Variants in MRM1 observed in about 807,000 individuals in gnomAD.
MRM1 encodes rRNA methyltransferase 1, mitochondrial.
In MRM1, 24 loss-of-function variants were observed where a neutral mutation model predicts 25.0. The ratio of observed to expected loss-of-function variants is 0.96; its 90% confidence interval spans 0.69 to 1.35. The LOEUF is 1.35. Among genes scored for constraint, MRM1 ranks in the 40% most tolerant of loss-of-function variants. MRM1 has a pLI of 0.00. For missense variants in MRM1, 431 were observed against 464.1 expected (o/e 0.93, Z 0.65); for synonymous variants, 188 against 199.2 (o/e 0.94, Z 0.47).
intron 2 of MRM1, among the ~76,000 whole-genome samples, chr17:36,606,734 A>G (rs2074931928): frequency 6.6e-6 from 1 of 151,584 alleles, no homozygotes; most frequent in African/African-American, 2.4e-5. Flanking sequence ...CAGACTCCCA[A>G]ATAGCTGGGA....
chr17:36,623,764 G>A, the MRM1 span, among the ~76,000 whole-genome samples: 1 of 152,174 alleles, frequency 6.6e-6, no homozygotes, highest in Non-Finnish European at 1.5e-5. Context: ...GGCTTGTTGG[G>A]ATTGGGGGAG....
At position 36,608,607 on chromosome 17, in the gene MRM1, T is replaced by G; in HGVS notation, c.*192T>G. The G allele has an allele frequency of 4.8e-6, 2 of 416,078 alleles. No homozygotes were observed. The highest frequency in any genetic ancestry group is 8.4e-6 in the Non-Finnish European group (2 of 237,220). The allele number at this position is 416,078 out of a possible 1,614,324, so 25.8% of individuals were successfully genotyped here. A position where few individuals can be genotyped will look rare whatever the true frequency, so the allele number is the denominator to read the frequency against. On this transcript the variant is annotated 3_prime_UTR_variant, in exon 5 of 5. Transcript: ENST00000614766. ...GTTTCCTGTTGTGATGTTGGACCTGTAGTAGGACATGGTGATTTGTTAATT... is the reference window on the plus strand; with the variant it reads ...GTTTCCTGTTGTGATGTTGGACCTGGAGTAGGACATGGTGATTTGTTAATT...
At chr17:36,604,151 A>G (rs2142835350) in intron 2 of MRM1, among the ~76,000 whole-genome samples, 1 of 152,300 alleles carries the variant, frequency 6.6e-6, no homozygotes, top group South Asian at 2.1e-4. Flanking sequence ...CTCTTCCTGC[A>G]GCATCCACTT....
chr17:36,622,813 G>T, the MRM1 span, among the ~76,000 whole-genome samples: 1 of 152,192 alleles, frequency 6.6e-6, no homozygotes, highest in East Asian at 1.9e-4. Context: ...TGCTCCTGGG[G>T]TAATGTCAAA....
At position 36,601,705 on chromosome 17, in the gene MRM1, G is replaced by T. The variant is rs553952416; in HGVS notation, c.-106G>T. On this transcript the variant is annotated 5_prime_UTR_variant, in exon 1 of 5. Transcript: ENST00000614766. The stretch of plus-strand genomic sequence containing the variant: ...AGAGAGCTCGGCGGAGACGGCTGTC[G>T]AGTACCCTTCACCTCGGTGTTGGGA... 3 of 1,216,618 alleles carry T rather than the reference G, an allele frequency of 2.5e-6. No homozygotes were observed. Among genetic ancestry groups the T allele is most frequent in the East Asian group, 2.5e-5 (1 of 39,664 alleles). The allele number at this position is 1,216,618 out of a possible 1,614,324, so 75.4% of individuals were successfully genotyped here.
the MRM1 span, among the ~76,000 whole-genome samples, chr17:36,615,414 G>A: frequency 0.018 from 2,713 of 151,542 alleles, 68 homozygotes; most frequent in African/African-American, 0.057. Context: ...TAATCTCAGC[G>A]CTTTGGGAGG....
At chr17:36,628,429 G>A in the MRM1 span, among the ~76,000 whole-genome samples, 6 of 152,222 alleles carry the variant, frequency 3.9e-5, no homozygotes, top group African/African-American at 1.4e-4. Context: ...ACTGGGCTGG[G>A]CTTCCGGAGG....
chr17:36,629,438 G>A, the MRM1 span, among the ~76,000 whole-genome samples: 1 of 152,316 alleles, frequency 6.6e-6, no homozygotes, highest in Middle Eastern at 3.4e-3. Flanking sequence ...GGGGTGCAGT[G>A]CCCATCATTC....
chr17:36,611,167 CA>C (rs1256206417), downstream of MRM1, among the ~76,000 whole-genome samples: 2 of 152,348 alleles, frequency 1.3e-5, no homozygotes, highest in East Asian at 3.9e-4. Context: ...GTTCAAGAAT[CA>C]GTGGCCTTTG....
chr17:36,602,500 G>A lies in MRM1; in HGVS notation c.543-53G>A. 6.2e-7 allele frequency: 1 copy of A among 1,612,244 alleles called. No homozygotes were observed. Among genetic ancestry groups the A allele is most frequent in the Non-Finnish European group, 8.5e-7 (1 of 1,178,436 alleles). On this transcript the variant is annotated intron_variant, in intron 1 of 4. Transcript: ENST00000614766. The surrounding 1 kb of genome is among the most constrained non-coding windows in gnomAD (Gnocchi z 4.1). ...CCCTTGGGAGCCCTGGGAGGGTAGG[G>A]AGCCGGGCTTGAGATGGCCCAGCCT... is the stretch of plus-strand genomic sequence containing the variant.
rs1399744221 is a variant in MRM1, at chr17:36,602,472, T to C, written c.543-81T>C. The C allele has an allele frequency of 6.2e-7, 1 of 1,602,502 alleles. No individual in the cohort carries two copies. Among genetic ancestry groups the C allele is most frequent in the Non-Finnish European group, 8.5e-7 (1 of 1,171,596 alleles). On this transcript the variant is annotated intron_variant, in intron 1 of 4. Coordinates refer to ENST00000614766, the MANE Select transcript of MRM1 (RefSeq NM_024864.5). This position sits in a 1 kb window ranked among gnomAD's most constrained non-coding sequence, Gnocchi z 4.1. ...ACCTGTCCCAGAACTCTCATCCCCC[T>C]AGCCCTTGGGAGCCCTGGGAGGGTA...
At chr17:36,609,693 TG>T (rs554140549), downstream of MRM1, among the ~76,000 whole-genome samples, 3 of 152,018 alleles carry the variant, frequency 2.0e-5, no homozygotes, top group African/African-American at 7.2e-5. Flanking sequence ...TATGTGACCT[TG>T]GGGGGGCGCT....
At position 36,607,970 on chromosome 17, in the gene MRM1, C is replaced by T. The variant is rs141666928; in HGVS notation, c.841C>T (p.Arg281Cys). 13 of 1,614,044 alleles carry T rather than the reference C, an allele frequency of 8.1e-6. No individual in the cohort carries two copies. Among genetic ancestry groups the T allele is most frequent in the Admixed American group, 6.7e-5 (4 of 60,006 alleles). ...CQLLLTILPR[R>C]QLPPGLESLN... ...GCTTCTCCTCACCATCCTGCCCCGG[C>T]GCCAGCTGCCTCCTGGACTTGAGTC... is the stretch of plus-strand genomic sequence containing the variant. Residue 281 changes from arginine to cysteine, a missense_variant, in exon 4 of 5, where the codon CGC becomes TGC. Physicochemically the swap from Arg to Cys is radical, Grantham distance 180. Coordinates refer to ENST00000614766, the MANE Select transcript of MRM1 (RefSeq NM_024864.5).
the MRM1 span, among the ~76,000 whole-genome samples, chr17:36,625,862 C>A: frequency 1.3e-5 from 2 of 152,052 alleles, no homozygotes; most frequent in Non-Finnish European, 2.9e-5. Context: ...TTTATTGGAT[C>A]AATTTCCATT....
chr17:36,615,990 C>G, the MRM1 span, among the ~76,000 whole-genome samples: 9 of 130,616 alleles, frequency 6.9e-5, no homozygotes, highest in Non-Finnish European at 1.4e-4. Context: ...GAGACTGTCT[C>G]AAACAACAAC....
chr17:36,602,264 G>A lies in MRM1; in HGVS notation c.454G>A (p.Gly152Arg), dbSNP rs1221210356. 1.2e-6 allele frequency: 2 copies of A among 1,606,522 alleles called. No individual in the cohort carries two copies. ...DPQQLWLVLD[G>R]IQDPRNFGAV... ...CCAGCAGTTGTGGCTCGTCCTCGATGGGATCCAGGATCCCCGGAATTTTGG... is the reference window on the plus strand; with the variant it reads ...CCAGCAGTTGTGGCTCGTCCTCGATAGGATCCAGGATCCCCGGAATTTTGG... The change falls in exon 1 of 5, where the codon GGG becomes AGG. Residue 152 changes from glycine to arginine, a missense_variant. By Grantham distance (125) the Gly-to-Arg change is moderately radical (BLOSUM62 -2). Coordinates refer to ENST00000614766, the MANE Select transcript of MRM1 (RefSeq NM_024864.5). This position sits in a 1 kb window ranked among gnomAD's most constrained non-coding sequence, Gnocchi z 4.1.
At chr17:36,613,695 G>T (rs546083883), downstream of MRM1, among the ~76,000 whole-genome samples, 3 of 152,180 alleles carry the variant, frequency 2.0e-5, no homozygotes, top group African/African-American at 7.2e-5. Flanking sequence ...CTGTCCCACC[G>T]ACTCAGTCTA....
rs774413447 is a variant in MRM1 at position 36,602,539 on chromosome 17, G to A, written c.543-14G>A. On this transcript the variant is annotated splice_polypyrimidine_tract_variant and intron_variant, in intron 1 of 4. Coordinates refer to ENST00000614766, the MANE Select transcript of MRM1 (RefSeq NM_024864.5). The surrounding 1 kb of genome is among the most constrained non-coding windows in gnomAD (Gnocchi z 4.1). ...ATGGCCCAGCCTAATGCGGGGAACGGGGAAACCTTGCAGCTGCCCGCTCAC... is the reference window on the plus strand; with the variant it reads ...ATGGCCCAGCCTAATGCGGGGAACGAGGAAACCTTGCAGCTGCCCGCTCAC... 1.3e-5 allele frequency: 21 copies of A among 1,614,090 alleles called. No homozygotes were observed. The highest frequency in any genetic ancestry group is 1.7e-5 in the Non-Finnish European group (20 of 1,180,048).
chr17:36,632,525 C>CTGTG, the MRM1 span, among the ~76,000 whole-genome samples: 2 of 152,080 alleles, frequency 1.3e-5, no homozygotes, highest in African/African-American at 2.4e-5. Context: ...ATGGGATAAT[C>CTGTG]TGTGTCAGGT....
Sources: allele counts gnomAD v4.1 joint callset (sites outside exome capture counted in the v4.1 genomes callset), GRCh38; gene constraint gnomAD v4.1.1; non-coding constraint Gnocchi (gnomAD v3.1); transcripts MANE v1.5; gene names NCBI Gene and HGNC (gene_info 2026-07-23, HGNC 2026-07-21).